ASIC2: variants seen among roughly 807,000 people sequenced by gnomAD.
ASIC2 encodes acid sensing ion channel subunit 2.
Under a neutral mutation model 57.3 loss-of-function variants are expected in ASIC2, and 25 were observed. That is an observed-to-expected ratio of 0.44 (90% CI 0.32 to 0.61). The LOEUF is 0.61. Among genes scored for constraint, ASIC2 ranks in the 20% least tolerant of loss-of-function variants. The pLI is 0.06. For missense variants in ASIC2, 641 were observed against 738.1 expected (o/e 0.87, Z 1.52); for synonymous variants, 319 against 307.5 (o/e 1.04, Z -0.39).
intron 1 of ASIC2, among the ~76,000 whole-genome samples, chr17:33,891,604 A>G (rs757824386): frequency 3.9e-5 from 6 of 152,186 alleles, no homozygotes; most frequent in Non-Finnish European, 7.3e-5. Context: ...TCCCATAGAC[A>G]CTGAGGTTTG....
At chr17:33,970,661 T>C (rs998710231) in intron 1 of ASIC2, among the ~76,000 whole-genome samples, 1 of 152,232 alleles carries the variant, frequency 6.6e-6, no homozygotes, top group Admixed American at 6.5e-5. Context: ...GATTTAAGGC[T>C]AACTCAACAA....
intron 1 of ASIC2, among the ~76,000 whole-genome samples, chr17:33,220,734 G>T (rs1907658266): frequency 6.6e-6 from 1 of 152,016 alleles, no homozygotes; most frequent in Non-Finnish European, 1.5e-5. Context: ...ACTCTCCTCT[G>T]TAGAAGTGTG....
At chr17:33,799,435 T>TTTC (rs749340679) in intron 1 of ASIC2, among the ~76,000 whole-genome samples, 3,235 of 41,918 alleles carry the variant, frequency 0.077, 72 homozygotes, top group Non-Finnish European at 0.092. Flanking sequence ...TTCTTCTTTC[T>TTTC]TTCTTTCTTT....
chr17:33,118,682 G>T (rs1358290144), intron 1 of ASIC2, among the ~76,000 whole-genome samples: 1 of 152,170 alleles, frequency 6.6e-6, no homozygotes, highest in Non-Finnish European at 1.5e-5. Context: ...TGCACCTGGG[G>T]AGTCTAAGGT....
intron 1 of ASIC2, among the ~76,000 whole-genome samples, chr17:33,892,220 T>C (rs1031748883): frequency 6.6e-6 from 1 of 152,022 alleles, no homozygotes; most frequent in African/African-American, 2.4e-5. Context: ...CACAGAATGG[T>C]GAGATCTGTA....
chr17:33,910,907 C>T (rs562438488), intron 1 of ASIC2, among the ~76,000 whole-genome samples: 1 of 152,152 alleles, frequency 6.6e-6, no homozygotes, highest in South Asian at 2.1e-4. Context: ...GGAGTGGAGG[C>T]TATTTCAACC....
intron 1 of ASIC2, among the ~76,000 whole-genome samples, chr17:33,635,584 T>G (rs745491573): frequency 1.3e-5 from 2 of 152,222 alleles, no homozygotes; most frequent in Non-Finnish European, 2.9e-5. Flanking sequence ...AGAATGTATT[T>G]TTAAACCCCT....
At chr17:34,115,998 G>A (rs1271221144) in intron 1 of ASIC2, among the ~76,000 whole-genome samples, 1 of 152,206 alleles carries the variant, frequency 6.6e-6, no homozygotes, top group Non-Finnish European at 1.5e-5. Flanking sequence ...AGGGCAGGAA[G>A]AAAGGGAAAG....
At chr17:33,130,261 C>G (rs940957256) in intron 1 of ASIC2, among the ~76,000 whole-genome samples, 1 of 152,154 alleles carries the variant, frequency 6.6e-6, no homozygotes, top group Non-Finnish European at 1.5e-5. Context: ...AAATTCTCCT[C>G]TTTTTCTCCT....
At chr17:33,583,131 T>G (rs1904496547) in intron 1 of ASIC2, among the ~76,000 whole-genome samples, 1 of 152,244 alleles carries the variant, frequency 6.6e-6, no homozygotes, top group South Asian at 2.1e-4. Context: ...TCTCATTGAT[T>G]AGCTGAGCAG....
intron 1 of ASIC2, among the ~76,000 whole-genome samples, chr17:33,578,740 G>A (rs1311469699): frequency 1.3e-5 from 2 of 152,124 alleles, no homozygotes; most frequent in East Asian, 1.9e-4. Context: ...GGGCACTAAT[G>A]GCTTTTCAAT....
intron 3 of ASIC2, among the ~76,000 whole-genome samples, chr17:33,032,455 T>G (rs1359447101): frequency 6.9e-6 from 1 of 144,208 alleles, no homozygotes; most frequent in African/African-American, 2.6e-5. Flanking sequence ...TTTTTTTTTT[T>G]TTTTTTTTTT....
intron 1 of ASIC2, among the ~76,000 whole-genome samples, chr17:33,199,037 G>A (rs1906752236): frequency 6.6e-6 from 1 of 152,336 alleles, no homozygotes; most frequent in South Asian, 2.1e-4. Context: ...CATCACGCCA[G>A]TTAAAAGTAG....
At chr17:33,847,776 A>G (rs1913651724) in intron 1 of ASIC2, among the ~76,000 whole-genome samples, 1 of 152,174 alleles carries the variant, frequency 6.6e-6, no homozygotes, top group Non-Finnish European at 1.5e-5. Context: ...ACAGTAGCAC[A>G]GAGGAAAGTA....
At chr17:33,538,756 A>C (rs1209519149) in intron 1 of ASIC2, among the ~76,000 whole-genome samples, 1 of 152,182 alleles carries the variant, frequency 6.6e-6, no homozygotes, top group Non-Finnish European at 1.5e-5. Context: ...GGTTTTTTCT[A>C]CAAGGTAGAT....
intron 1 of ASIC2, among the ~76,000 whole-genome samples, chr17:33,552,174 C>A (rs984645475): frequency 6.6e-6 from 1 of 152,186 alleles, no homozygotes; most frequent in Non-Finnish European, 1.5e-5. Context: ...AGGGAAAGGG[C>A]CTCTGTTGAA....
chr17:33,902,354 T>A (rs985847855), intron 1 of ASIC2, among the ~76,000 whole-genome samples: 1 of 152,178 alleles, frequency 6.6e-6, no homozygotes, highest in African/African-American at 2.4e-5. Flanking sequence ...GAAAATAAAT[T>A]CAGCATAACA....
intron 1 of ASIC2, among the ~76,000 whole-genome samples, chr17:33,849,733 G>T (rs1324278116): frequency 6.6e-6 from 1 of 152,136 alleles, no homozygotes; most frequent in East Asian, 1.9e-4. Context: ...CACTGTCAAA[G>T]CCTGAAGAAG....
intron 1 of ASIC2, among the ~76,000 whole-genome samples, chr17:33,999,306 A>C (rs1906261260): frequency 6.6e-6 from 1 of 152,180 alleles, no homozygotes; most frequent in Non-Finnish European, 1.5e-5. Context: ...CTTTAAAAAA[A>C]ATCCATTTAG....
Sources: allele counts gnomAD v4.1 joint callset (sites outside exome capture counted in the v4.1 genomes callset), GRCh38; gene constraint gnomAD v4.1.1; transcripts MANE v1.5; gene names NCBI Gene and HGNC (gene_info 2026-07-23, HGNC 2026-07-21).